The following SFMBT2 variants were observed in gnomAD, a reference collection of about 807,000 sequenced individuals.
SFMBT2 encodes the protein scm-like with four MBT domains protein 2.
A neutral mutation model predicts 110.1 loss-of-function variants in SFMBT2; 38 were observed. That is an observed-to-expected ratio of 0.35 (90% CI 0.27 to 0.45). The LOEUF is 0.45. Among genes scored for constraint, SFMBT2 ranks in the 20% least tolerant of loss-of-function variants. The probability of loss-of-function intolerance (pLI) is 1.00; values close to 1 mark genes in which losing one functional copy is unlikely to be tolerated. For missense variants in SFMBT2, 1,011 were observed against 1,094.9 expected (o/e 0.92, Z 1.08); for synonymous variants, 425 against 425.4 (o/e 1.00, Z 0.01).
chr10:7,241,779 T>C (rs1430068131), intron 9 of SFMBT2, among the ~76,000 whole-genome samples: 3 of 152,188 alleles, frequency 2.0e-5, no homozygotes, highest in South Asian at 2.1e-4. Flanking sequence ...ATGTAATTCA[T>C]AGAAAATGTA....
intron 10 of SFMBT2, among the ~76,000 whole-genome samples, chr10:7,221,260 T>A (rs1393423450): frequency 1.3e-5 from 2 of 152,084 alleles, no homozygotes; most frequent in Non-Finnish European, 2.9e-5. Flanking sequence ...GGGAAAAATA[T>A]CCTTTAGAAT....
At chr10:7,332,376 T>C (rs371092097) in intron 4 of SFMBT2, among the ~76,000 whole-genome samples, 1 of 152,196 alleles carries the variant, frequency 6.6e-6, no homozygotes, top group Non-Finnish European at 1.5e-5. Context: ...ATAAAAGACA[T>C]GCAAAAGGGT....
At chr10:7,326,577 T>C (rs930451389) in intron 4 of SFMBT2, among the ~76,000 whole-genome samples, 1 of 152,236 alleles carries the variant, frequency 6.6e-6, no homozygotes, top group Non-Finnish European at 1.5e-5. Context: ...TGGCATCCCA[T>C]GTAAAGATTA....
intron 4 of SFMBT2, among the ~76,000 whole-genome samples, chr10:7,315,054 A>AAGAG (rs1238994881): frequency 6.2e-5 from 8 of 129,898 alleles, no homozygotes; most frequent in South Asian, 2.4e-4. Flanking sequence ...GAAAGAAAGA[A>AAGAG]AGAAAGAAAG....
intron 11 of SFMBT2, among the ~76,000 whole-genome samples, chr10:7,211,023 G>A (rs898537297): frequency 2.6e-5 from 4 of 152,042 alleles, no homozygotes; most frequent in Non-Finnish European, 4.4e-5. Flanking sequence ...TAAGAGATAC[G>A]GGGTGTTTTC....
chr10:7,348,942 CA>C (rs1223835543), intron 4 of SFMBT2, among the ~76,000 whole-genome samples: 3 of 152,132 alleles, frequency 2.0e-5, no homozygotes, highest in Non-Finnish European at 4.4e-5. Flanking sequence ...ACCACCATGA[CA>C]AGGATGAGAC....
chr10:7,297,141 T>TA, intron 4 of SFMBT2, among the ~76,000 whole-genome samples: 1 of 152,234 alleles, frequency 6.6e-6, no homozygotes, highest in East Asian at 1.9e-4. Flanking sequence ...GCAAAAAGAA[T>TA]AAAAACACTC....
chr10:7,204,250 A>G (rs1240617404), intron 12 of SFMBT2: 4 of 697,268 alleles, frequency 5.7e-6, no homozygotes, highest in Middle Eastern at 7.2e-4. Flanking sequence ...TGCTCTTAAT[A>G]ATGCTAACTA....
chr10:7,328,843 A>G (rs1411355415), intron 4 of SFMBT2, among the ~76,000 whole-genome samples: 4 of 152,362 alleles, frequency 2.6e-5, no homozygotes, highest in African/African-American at 9.6e-5. Context: ...GGTGACTAAG[A>G]AAAGCTTAAA....
intron 4 of SFMBT2, among the ~76,000 whole-genome samples, chr10:7,315,780 C>A (rs905814866): frequency 1.3e-5 from 2 of 152,250 alleles, no homozygotes; most frequent in Non-Finnish European, 2.9e-5. Context: ...TGACCTTCAG[C>A]AAGTTACTTT....
chr10:7,377,343 G>C (rs776609431), intron 2 of SFMBT2, among the ~76,000 whole-genome samples: 2 of 152,186 alleles, frequency 1.3e-5, no homozygotes, highest in Non-Finnish European at 2.9e-5. Context: ...GACTGGTTTT[G>C]TGGAAGACAA....
intron 10 of SFMBT2, among the ~76,000 whole-genome samples, chr10:7,223,677 G>A (rs1041085688): frequency 6.6e-6 from 1 of 151,936 alleles, no homozygotes; most frequent in Non-Finnish European, 1.5e-5. Flanking sequence ...CTTTTTTATA[G>A]TTTCTACTTC....
At chr10:7,338,512 G>A (rs1843787437) in intron 4 of SFMBT2, among the ~76,000 whole-genome samples, 1 of 152,178 alleles carries the variant, frequency 6.6e-6, no homozygotes, top group African/African-American at 2.4e-5. Context: ...ATGCTATTAA[G>A]AAAATCATAA....
chr10:7,388,208 T>C (rs571064366), intron 1 of SFMBT2, among the ~76,000 whole-genome samples: 26 of 151,756 alleles, frequency 1.7e-4, no homozygotes, highest in African/African-American at 4.6e-4. Context: ...CTCATCCTAA[T>C]TGGGAGAAAG....
chr10:7,340,654 TC>T (rs1174155853), intron 4 of SFMBT2, among the ~76,000 whole-genome samples: 1 of 72,798 alleles, frequency 1.4e-5, no homozygotes, highest in East Asian at 5.1e-4. Flanking sequence ...AGAACCTATC[TC>T]AAAAAAAAAA....
At position 7,200,479 on chromosome 10, in the gene SFMBT2, G is replaced by A. The variant is rs41306403; in HGVS notation, c.1493C>T (p.Pro498Leu). 37,895 of 1,598,028 alleles carry A rather than the reference G, an allele frequency of 0.024. 580 individuals are homozygous for A. The highest frequency in any genetic ancestry group is 0.06 in the Middle Eastern group (360 of 6,008). The part of the protein sequence containing the change: ...IAVVQPEKQL[P>L]PTVPVKKIPH... ...TATTTTCTTAACAGGCACTGTGGGC[G>A]GCAATCTGTCAACAGAGAAAATAAA... Residue 498 changes from proline to leucine, a missense_variant, in exon 14 of 21, where the codon CCG becomes CTG. Around this residue, in one of 2 missense-constraint regions of SFMBT2, gnomAD observed 979 missense variants for 1,016.1 expected, o/e 0.96. Transcript: ENST00000397167.
chr10:7,268,431 G>T (rs1304639305), intron 7 of SFMBT2, among the ~76,000 whole-genome samples: 1 of 152,136 alleles, frequency 6.6e-6, no homozygotes, highest in African/African-American at 2.4e-5. Context: ...TGGACATTGG[G>T]ATATGTCATA....
intron 7 of SFMBT2, among the ~76,000 whole-genome samples, chr10:7,273,909 C>T (rs980750143): frequency 1.3e-5 from 2 of 152,174 alleles, no homozygotes; most frequent in Non-Finnish European, 2.9e-5. Context: ...TACCATTCGA[C>T]CCAGCCATCC....
In SFMBT2 at chr10:7,175,595, G is replaced by A. The variant is rs546721573; in HGVS notation, c.1984+395C>T. Among the ~76,000 whole-genome samples, 8 of 152,266 alleles carry A rather than the reference G, an allele frequency of 5.3e-5. 2 individuals carry two copies. The Middle Eastern group carries it at 0.027, about 518-fold the overall frequency. ...CCCCGTATCAAGAAGGGCAATGAAAGCATCATTACACTATCCCAGAGTAAG... is the reference window on the plus strand; with the variant it reads ...CCCCGTATCAAGAAGGGCAATGAAAACATCATTACACTATCCCAGAGTAAG... On this transcript the variant is annotated intron_variant, in intron 17 of 20. Coordinates refer to ENST00000397167, the MANE Select transcript of SFMBT2 (RefSeq NM_001387889.1).
Sources: allele counts gnomAD v4.1 joint callset (sites outside exome capture counted in the v4.1 genomes callset), GRCh38; gene constraint gnomAD v4.1.1; regional missense constraint gnomAD v4.1.1; transcripts MANE v1.5; gene names NCBI Gene and HGNC (gene_info 2026-07-23, HGNC 2026-07-21).